The following NMT1 variants were observed in gnomAD, a reference collection of about 807,000 sequenced individuals.
NMT1 encodes the protein glycylpeptide N-tetradecanoyltransferase 1.
A neutral mutation model predicts 63.4 loss-of-function variants in NMT1; 12 were observed. The ratio of observed to expected loss-of-function variants is 0.19; its 90% CI spans 0.12 to 0.31. The LOEUF is 0.31. Among genes scored for constraint, NMT1 ranks in the 10% least tolerant of loss-of-function variants. The probability of loss-of-function intolerance (pLI) is 1.00; values close to 1 mark genes in which losing one functional copy is unlikely to be tolerated. For synonymous variants in NMT1, 228 were observed against 234.3 expected (o/e 0.97, Z 0.25); for missense variants, 432 against 634.6 (o/e 0.68, Z 3.43).
At chr17:45,094,305 C>T (rs1386979379) in intron 4 of NMT1, among the ~76,000 whole-genome samples, 1 of 151,600 alleles carries the variant, frequency 6.6e-6, no homozygotes, top group Non-Finnish European at 1.5e-5. Context: ...CCAGTCTGAC[C>T]AACATAATAA....
At chr17:45,089,307 A>G (rs2054073480) in intron 3 of NMT1, among the ~76,000 whole-genome samples, 1 of 152,058 alleles carries the variant, frequency 6.6e-6, no homozygotes, top group African/African-American at 2.4e-5. Context: ...TTTTAATTAG[A>G]TGGTATTCCA....
intron 1 of NMT1, 59 bp downstream of exon 1, chr17:45,061,519 G>A (rs2143436503): frequency 3.3e-6 from 5 of 1,507,508 alleles, no homozygotes; most frequent in Non-Finnish European, 4.5e-6. Flanking sequence ...GGTCTCTGGG[G>A]TGCGGGGAAG....
At chr17:45,064,063 T>TA (rs1295916943) in intron 1 of NMT1, among the ~76,000 whole-genome samples, 1 of 152,040 alleles carries the variant, frequency 6.6e-6, no homozygotes, top group Admixed American at 6.6e-5. Flanking sequence ...TGCATACCTG[T>TA]AGTCCCAGCT....
At chr17:45,068,446 T>A (rs2053916758) in intron 1 of NMT1, among the ~76,000 whole-genome samples, 1 of 152,196 alleles carries the variant, frequency 6.6e-6, no homozygotes, top group South Asian at 2.1e-4. Context: ...CACTTCAGTC[T>A]GGGCGACAGA....
intron 1 of NMT1, among the ~76,000 whole-genome samples, chr17:45,074,217 CT>C (rs5820559): frequency 3.4e-4 from 48 of 140,228 alleles, no homozygotes; most frequent in East Asian, 4.3e-4. Flanking sequence ...TAAAAGATGA[CT>C]TTTTTTTTTT....
rs775510228 is a variant in NMT1 at position 45,096,270 on chromosome 17, C to A, written c.581C>A (p.Pro194Gln). The A allele has an allele frequency of 6.2e-7, 1 of 1,613,792 alleles. No individual in the cohort carries two copies. The highest frequency in any genetic ancestry group is 8.5e-7 in the Non-Finnish European group (1 of 1,179,690). Residue 194 changes from proline (P) to glutamine (Q), a missense_variant, in exon 5 of 12, where the codon CCG (proline) becomes CAG (glutamine). Coordinates refer to ENST00000258960, the MANE Select transcript of NMT1 (RefSeq NM_021079.5). ...DDNMFRFDYS[P>Q]EFLLWALRPP... ...AACATGTTCCGATTTGATTATTCCC[C>A]GGAGTTTCTTTTGTGGTAAGTTGTG...
intron 1 of NMT1, among the ~76,000 whole-genome samples, chr17:45,067,055 C>G (rs983435277): frequency 6.6e-6 from 1 of 152,066 alleles, no homozygotes; most frequent in Non-Finnish European, 1.5e-5. Flanking sequence ...TCAATTTCCC[C>G]CAGTTACGTG....
In NMT1 at chr17:45,103,977, C is replaced by G; in HGVS notation, c.1332+101C>G. ...GACGCAGCCTCCCATGGGCTGGAGG[C>G]TCTGAGCCCTCCTCATCTGTTCTGC... On this transcript the variant is annotated intron_variant, in intron 10 of 11. Coordinates refer to ENST00000258960, the MANE Select transcript of NMT1 (RefSeq NM_021079.5). This position sits in a 1 kb window ranked among gnomAD's most constrained non-coding sequence, Gnocchi z 4.8. 1 of 1,599,728 alleles carries G rather than the reference C, an allele frequency of 6.3e-7. No homozygotes were observed. The highest frequency in any genetic ancestry group is 8.5e-7 in the Non-Finnish European group (1 of 1,179,518).
intron 1 of NMT1, among the ~76,000 whole-genome samples, chr17:45,066,492 G>T (rs1025451444): frequency 6.6e-6 from 1 of 151,916 alleles, no homozygotes; most frequent in Non-Finnish European, 1.5e-5. Flanking sequence ...AGTGGCTCAT[G>T]CCTGTAATCT....
chr17:45,066,879 A>G (rs2053906591), intron 1 of NMT1, among the ~76,000 whole-genome samples: 1 of 151,694 alleles, frequency 6.6e-6, no homozygotes, highest in African/African-American at 2.4e-5. Context: ...TCCCTGGCTA[A>G]TTTTCTTTTT....
chr17:45,100,240 C>T (rs2054152637), intron 8 of NMT1, among the ~76,000 whole-genome samples: 1 of 152,118 alleles, frequency 6.6e-6, no homozygotes, highest in Non-Finnish European at 1.5e-5. Context: ...AGGCGTGTGC[C>T]GCCATGCCCG....
At chr17:45,065,761 T>C (rs919482280) in intron 1 of NMT1, among the ~76,000 whole-genome samples, 1 of 152,154 alleles carries the variant, frequency 6.6e-6, no homozygotes, top group Admixed American at 6.5e-5. Context: ...TTTAAAATGT[T>C]CTCAAAAATC....
intron 5 of NMT1, among the ~76,000 whole-genome samples, chr17:45,096,614 TC>T (rs1439547217): frequency 6.6e-6 from 1 of 152,246 alleles, no homozygotes; most frequent in Non-Finnish European, 1.5e-5. Flanking sequence ...TCTATCTAGT[TC>T]CTGAGCATGC....
chr17:45,062,931 AG>A, intron 1 of NMT1, among the ~76,000 whole-genome samples: 1 of 152,230 alleles, frequency 6.6e-6, no homozygotes, highest in East Asian at 1.9e-4. Flanking sequence ...AATCACAGGA[AG>A]GGCCGGGCAT....
chr17:45,069,266 A>ATTTT (rs1429689155), intron 1 of NMT1, among the ~76,000 whole-genome samples: 2 of 109,848 alleles, frequency 1.8e-5, no homozygotes, highest in East Asian at 2.6e-4. Flanking sequence ...GCCAGACTTT[A>ATTTT]TTTTTTATTA....
chr17:45,099,288 C>T lies in NMT1; in HGVS notation c.885-117C>T, dbSNP rs77103613. 2.8e-3 allele frequency: 1,988 copies of T among 721,916 alleles called. 22 individuals carry two copies. The African/African-American group carries it at 0.028, about 10-fold the overall frequency. 44.7% of individuals were successfully genotyped at this position (721,916 alleles called of 1,614,324 possible). On this transcript the variant is annotated intron_variant, in intron 7 of 11. Coordinates refer to ENST00000258960, the MANE Select transcript of NMT1 (RefSeq NM_021079.5). ...GAGAGCAGGGTGACACCACTGACTCCGGAGGCACCTGATGTGTCTCTCACG... is the reference window on the plus strand; with the variant it reads ...GAGAGCAGGGTGACACCACTGACTCTGGAGGCACCTGATGTGTCTCTCACG...
intron 5 of NMT1, among the ~76,000 whole-genome samples, chr17:45,096,896 TC>T (rs2054128182): frequency 6.6e-6 from 1 of 152,242 alleles, no homozygotes; most frequent in Admixed American, 6.5e-5. Flanking sequence ...CATGAAATCC[TC>T]AGTATGATAA....
At chr17:45,083,222 G>A (rs1252648016) in intron 2 of NMT1, among the ~76,000 whole-genome samples, 1 of 151,276 alleles carries the variant, frequency 6.6e-6, no homozygotes, top group African/African-American at 2.4e-5. Context: ...AGGAGGCTGA[G>A]ACAGGAGAAT....
At chr17:45,084,572 A>G (rs543121323) in intron 2 of NMT1, among the ~76,000 whole-genome samples, 145 of 151,574 alleles carry the variant, frequency 9.6e-4, no homozygotes, top group African/African-American at 3.1e-3. Flanking sequence ...TGACCTCGTG[A>G]TCCACCCGCC....
Sources: gnomAD v4.1 joint callset for allele counts (sites outside exome capture counted in the v4.1 genomes callset) on GRCh38, gnomAD v4.1.1 for gene constraint, Gnocchi (gnomAD v3.1) non-coding constraint, MANE v1.5 for transcripts, NCBI Gene and HGNC (gene_info 2026-07-23, HGNC 2026-07-21) for gene names.